The following OVOL2 variants were observed in gnomAD, a reference collection of about 807,000 sequenced individuals.
OVOL2 encodes the protein ovo like zinc finger 2, also known as transcription factor Ovo-like 2.
In OVOL2, 13 loss-of-function variants were observed where a neutral mutation model predicts 18.1. The observed-to-expected ratio is 0.72, with a 90% confidence interval of 0.47 to 1.14. The LOEUF is 1.14. Ranked by LOEUF, OVOL2 falls within the 50% of genes most tolerant of loss-of-function variation. The pLI is 0.00. For missense variants in OVOL2, 335 were observed against 383.0 expected (o/e 0.87, Z 1.05); for synonymous variants, 166 against 162.7 (o/e 1.02, Z -0.16).
intron 2 of OVOL2, among the ~76,000 whole-genome samples, chr20:18,046,767 A>G (rs959897234): frequency 6.6e-6 from 1 of 152,184 alleles, no homozygotes; most frequent in African/African-American, 2.4e-5. Context: ...TGCTCACTGG[A>G]GCACCTTTAT....
At chr20:18,038,773 A>G (rs1272615578) in intron 3 of OVOL2, among the ~76,000 whole-genome samples, 1 of 151,860 alleles carries the variant, frequency 6.6e-6, no homozygotes, top group Non-Finnish European at 1.5e-5. Flanking sequence ...GGGCTGAGAC[A>G]CCCTCCAGGG....
At chr20:18,044,684 G>A (rs2036709380) in intron 2 of OVOL2, among the ~76,000 whole-genome samples, 1 of 152,174 alleles carries the variant, frequency 6.6e-6, no homozygotes, top group Non-Finnish European at 1.5e-5. Flanking sequence ...GTGCAGGCAA[G>A]TCAACAGCCA....
intron 2 of OVOL2, among the ~76,000 whole-genome samples, chr20:18,055,114 C>T (rs1170833964): frequency 6.6e-6 from 1 of 152,140 alleles, no homozygotes; most frequent in African/African-American, 2.4e-5. Flanking sequence ...ACACAGGCAA[C>T]TAATCTAGGA....
Position 18,057,296 on chromosome 20 carries a change from G to A in OVOL2, c.100+239C>T, listed in dbSNP as rs1252851364. Among the ~76,000 whole-genome samples the A allele has an allele frequency of 6.6e-6, 1 of 152,200 alleles. No homozygotes were observed. Among genetic ancestry groups the A allele is most frequent in the Admixed American group, 6.5e-5 (1 of 15,290 alleles). On this transcript the variant is annotated intron_variant, in intron 1 of 3. Transcript: ENST00000278780. The surrounding 1 kb of genome is among the most constrained non-coding windows in gnomAD (Gnocchi z 6.3). Reference sequence around the variant, plus strand: ...CTGGGCCACCTTGGCCCGCGCTGCAGCCAACGGTCCCGCCGCCGGGCAATT... The same window carrying A: ...CTGGGCCACCTTGGCCCGCGCTGCAACCAACGGTCCCGCCGCCGGGCAATT...
At chr20:18,026,646 G>T (rs2036521425) in intron 3 of OVOL2, among the ~76,000 whole-genome samples, 1 of 152,170 alleles carries the variant, frequency 6.6e-6, no homozygotes, top group South Asian at 2.1e-4. Flanking sequence ...CTCCCAAGGT[G>T]CTGGGATTAC....
chr20:18,056,926 G>T lies in OVOL2; in HGVS notation c.101-49C>A. On this transcript the variant is annotated intron_variant, in intron 1 of 3. Transcript: ENST00000278780. This position sits in a 1 kb window ranked among gnomAD's most constrained non-coding sequence, Gnocchi z 4.2. ...CGACACACACACTCGGCGTCAACCCGCACGCCCGCGGCAGTTTGACCTGCG... is the reference window on the plus strand; with the variant it reads ...CGACACACACACTCGGCGTCAACCCTCACGCCCGCGGCAGTTTGACCTGCG... 1 of 1,435,204 alleles carries T rather than the reference G, an allele frequency of 7.0e-7. No homozygotes were observed. The highest frequency in any genetic ancestry group is 9.1e-7 in the Non-Finnish European group (1 of 1,103,016). The allele number at this position is 1,435,204 out of a possible 1,614,324, so 88.9% of individuals were successfully genotyped here. A position where few individuals can be genotyped will look rare whatever the true frequency, so the allele number is the denominator to read the frequency against.
chr20:18,046,611 G>A (rs879653099), intron 2 of OVOL2, among the ~76,000 whole-genome samples: 5 of 152,132 alleles, frequency 3.3e-5, no homozygotes, highest in Admixed American at 1.3e-4. Flanking sequence ...AGTAATAAAC[G>A]TATCATTCTC....
chr20:18,043,909 C>G (rs6034944), intron 2 of OVOL2, among the ~76,000 whole-genome samples: 8,547 of 152,252 alleles, frequency 0.056, 293 homozygotes, highest in African/African-American at 0.091. Context: ...TCCCATTGCT[C>G]TGCCAAAATT....
intron 2 of OVOL2, among the ~76,000 whole-genome samples, chr20:18,044,445 G>A (rs1409275785): frequency 1.3e-5 from 2 of 152,168 alleles, no homozygotes; most frequent in African/African-American, 4.8e-5. Context: ...CGGCAGCTGG[G>A]AGCAGGTGGC....
chr20:18,055,769 T>C (rs1222479712), intron 2 of OVOL2, among the ~76,000 whole-genome samples: 3 of 152,182 alleles, frequency 2.0e-5, no homozygotes, highest in African/African-American at 7.2e-5. Context: ...ACCGGGGGTC[T>C]AGGGGGTGCA....
chr20:18,046,791 G>A (rs911845105), intron 2 of OVOL2, among the ~76,000 whole-genome samples: 1 of 152,088 alleles, frequency 6.6e-6, no homozygotes, highest in Non-Finnish European at 1.5e-5. Context: ...GTTTACATAG[G>A]TTTACACCTA....
chr20:18,032,193 A>G (rs1214641013), intron 3 of OVOL2, among the ~76,000 whole-genome samples: 2 of 151,964 alleles, frequency 1.3e-5, no homozygotes, highest in Non-Finnish European at 2.9e-5. Context: ...GCCTGAAATG[A>G]AAGAAAGGAA....
intron 2 of OVOL2, 25 bp from the exon 3 acceptor site, chr20:18,041,748 G>A (rs1259207836): frequency 6.3e-7 from 1 of 1,596,152 alleles, no homozygotes; most frequent in Admixed American, 1.7e-5. Context: ...AGGCCATGAG[G>A]GTCCCCGGGC....
chr20:18,039,520 TAC>T (rs1158761130), intron 3 of OVOL2, among the ~76,000 whole-genome samples: 1 of 148,896 alleles, frequency 6.7e-6, no homozygotes, highest in East Asian at 2.0e-4. Flanking sequence ...TAGTCCCAGC[TAC>T]TAGGGGTGCT....
chr20:18,055,429 C>T (rs1340716976), intron 2 of OVOL2, among the ~76,000 whole-genome samples: 1 of 152,136 alleles, frequency 6.6e-6, no homozygotes, highest in Non-Finnish European at 1.5e-5. Context: ...CCACCTGGCC[C>T]GGAAGAGCCT....
intron 3 of OVOL2, among the ~76,000 whole-genome samples, chr20:18,041,206 C>T (rs1322452323): frequency 1.3e-5 from 2 of 152,016 alleles, no homozygotes; most frequent in Admixed American, 1.3e-4. Flanking sequence ...CAATGTCACC[C>T]AGGCTGGAGT....
In OVOL2 at chr20:18,056,230, A is replaced by T. The variant is rs1393255382; in HGVS notation, c.321+427T>A. Among the ~76,000 whole-genome samples the T allele has an allele frequency of 2.6e-5, 4 of 152,204 alleles. No individual in the cohort carries two copies. Among genetic ancestry groups the T allele is most frequent in the Non-Finnish European group, 5.9e-5 (4 of 68,022 alleles). ...GGTGAACTCTCAGAATCGCGGCGCC[A>T]GGAACTGCGTCCCAGAGGGTGGAAT... On this transcript the variant is annotated intron_variant, in intron 2 of 3. Transcript: ENST00000278780. This position sits in a 1 kb window ranked among gnomAD's most constrained non-coding sequence, Gnocchi z 4.2.
intron 2 of OVOL2, among the ~76,000 whole-genome samples, chr20:18,048,478 G>A (rs1200522416): frequency 1.3e-5 from 2 of 152,044 alleles, no homozygotes; most frequent in African/African-American, 2.4e-5. Flanking sequence ...TGTAATCCCA[G>A]CACTTTGAGA....
chr20:18,043,370 A>G (rs2036693146), intron 2 of OVOL2, among the ~76,000 whole-genome samples: 1 of 152,178 alleles, frequency 6.6e-6, no homozygotes, highest in Admixed American at 6.5e-5. Context: ...TCCAGGTTTT[A>G]AGAGACCTTG....
Sources: allele counts gnomAD v4.1 joint callset (sites outside exome capture counted in the v4.1 genomes callset), GRCh38; gene constraint gnomAD v4.1.1; non-coding constraint Gnocchi (gnomAD v3.1); transcripts MANE v1.5; gene names NCBI Gene and HGNC (gene_info 2026-07-23, HGNC 2026-07-21).